The following GALNT13 variants were observed in gnomAD, a reference collection of about 807,000 sequenced individuals.
GALNT13 encodes UDP-GalNAc:polypeptide N-acetylgalactosaminyltransferase 13.
GALNT13 carries 28 observed loss-of-function variants against 64.2 expected under a neutral mutation model. The ratio of observed to expected loss-of-function variants is 0.44; its 90% CI spans 0.32 to 0.60. The LOEUF (loss-of-function observed/expected upper bound fraction) is 0.60, where lower values mean the gene tolerates loss of function less well. Among genes scored for constraint, GALNT13 ranks in the 20% least tolerant of loss-of-function variants. The pLI, the probability that GALNT13 is intolerant of heterozygous loss-of-function variation, is 0.05. For synonymous variants in GALNT13, 214 were observed against 224.6 expected (o/e 0.95, Z 0.42); for missense variants, 577 against 669.8 (o/e 0.86, Z 1.53).
At chr2:153,883,920 T>C (rs1020518014) in intron 1 of GALNT13, among the ~76,000 whole-genome samples, 3 of 152,012 alleles carry the variant, frequency 2.0e-5, no homozygotes, top group African/African-American at 7.2e-5. Context: ...ACTTAAAATG[T>C]GGAAGATAAT....
At chr2:153,884,900 G>A (rs1300686084) in intron 1 of GALNT13, among the ~76,000 whole-genome samples, 3 of 145,820 alleles carry the variant, frequency 2.1e-5, no homozygotes, top group African/African-American at 5.1e-5. Context: ...TTAGCCGAGC[G>A]TCGTGGCACG....
At chr2:154,228,331 T>G (rs139114915) in intron 4 of GALNT13, among the ~76,000 whole-genome samples, 1 of 152,298 alleles carries the variant, frequency 6.6e-6, no homozygotes, top group East Asian at 1.9e-4. Flanking sequence ...CTCTTTAGGT[T>G]ACTGCTTTGG....
At chr2:153,642,177 T>C in the GALNT13 span, among the ~76,000 whole-genome samples, 1 of 151,982 alleles carries the variant, frequency 6.6e-6, no homozygotes, top group Non-Finnish European at 1.5e-5. Flanking sequence ...TAATATGTTC[T>C]TTACTATGTT....
chr2:153,261,444 T>G, the GALNT13 span, among the ~76,000 whole-genome samples: 126,438 of 152,118 alleles, frequency 0.83, 53,804 homozygotes, highest in African/African-American at 0.93. Flanking sequence ...TTGCAGACTT[T>G]TAGAGTACCA....
chr2:153,855,564 G>T, the GALNT13 span, among the ~76,000 whole-genome samples: 1 of 152,128 alleles, frequency 6.6e-6, no homozygotes, highest in Non-Finnish European at 1.5e-5. Context: ...CCATTAGGAT[G>T]GCTATAATCA....
At chr2:153,215,136 TA>T in the GALNT13 span, among the ~76,000 whole-genome samples, 1 of 152,096 alleles carries the variant, frequency 6.6e-6, no homozygotes, top group Non-Finnish European at 1.5e-5. Flanking sequence ...TTTAGATAAT[TA>T]ATTGATTCAT....
At chr2:153,164,574 T>C in the GALNT13 span, among the ~76,000 whole-genome samples, 108,093 of 152,064 alleles carry the variant, frequency 0.71, 38,592 homozygotes, top group East Asian at 0.84. Flanking sequence ...TATGCATACA[T>C]CTGTGACCCC....
At chr2:153,835,642 A>G in the GALNT13 span, among the ~76,000 whole-genome samples, 2 of 152,078 alleles carry the variant, frequency 1.3e-5, no homozygotes, top group Non-Finnish European at 2.9e-5. Flanking sequence ...ATATAGAAAT[A>G]CTTTGATAAA....
intron 4 of GALNT13, among the ~76,000 whole-genome samples, chr2:154,216,802 CTTTTTT>C (rs397872685): frequency 1.4e-5 from 1 of 71,310 alleles, no homozygotes; most frequent in East Asian, 5.3e-4. Flanking sequence ...TTCTCTCTCT[CTTTTTT>C]TTTTTTTTTT....
chr2:154,104,723 C>G (rs1295280583), intron 3 of GALNT13, among the ~76,000 whole-genome samples: 1 of 152,214 alleles, frequency 6.6e-6, no homozygotes, highest in Non-Finnish European at 1.5e-5. Flanking sequence ...TCTCCGGGAC[C>G]TACTAGTCCC....
intron 4 of GALNT13, among the ~76,000 whole-genome samples, chr2:154,231,282 A>G (rs1441810133): frequency 6.6e-6 from 1 of 152,082 alleles, no homozygotes; most frequent in Non-Finnish European, 1.5e-5. Flanking sequence ...AATTTCTTTC[A>G]TAAGTGGGTT....
the GALNT13 span, among the ~76,000 whole-genome samples, chr2:153,327,548 T>C: frequency 6.6e-6 from 1 of 152,002 alleles, no homozygotes; most frequent in Admixed American, 6.6e-5. Context: ...AAGTTGATCT[T>C]CAGTCTCTGA....
the GALNT13 span, among the ~76,000 whole-genome samples, chr2:153,792,828 G>T: frequency 1.3e-5 from 2 of 152,176 alleles, no homozygotes; most frequent in South Asian, 4.1e-4. Context: ...TTGTCAAATT[G>T]TTCTGCAAAA....
At chr2:154,102,417 G>A (rs11885023) in intron 3 of GALNT13, among the ~76,000 whole-genome samples, 35,839 of 152,018 alleles carry the variant, frequency 0.24, 6,778 homozygotes, top group East Asian at 0.74. Context: ...GTCTGACTAC[G>A]TGACAACTTT....
chr2:153,367,450 A>G, the GALNT13 span, among the ~76,000 whole-genome samples: 1 of 152,130 alleles, frequency 6.6e-6, no homozygotes, highest in African/African-American at 2.4e-5. Flanking sequence ...TACCTTATAC[A>G]AGAATGGGAA....
At chr2:153,664,930 A>G in the GALNT13 span, among the ~76,000 whole-genome samples, 1 of 152,186 alleles carries the variant, frequency 6.6e-6, no homozygotes, top group Non-Finnish European at 1.5e-5. Context: ...AACAAAATGA[A>G]ATAGTTATTA....
chr2:153,288,777 A>G, the GALNT13 span, among the ~76,000 whole-genome samples: 1 of 152,308 alleles, frequency 6.6e-6, no homozygotes, highest in South Asian at 2.1e-4. Context: ...TATAGAAAAA[A>G]ACTTAGTAAA....
chr2:153,535,901 A>G, the GALNT13 span, among the ~76,000 whole-genome samples: 46 of 152,282 alleles, frequency 3.0e-4, no homozygotes, highest in East Asian at 8.9e-3. Context: ...TAAGTCTCAC[A>G]GAAGGGAAGA....
the GALNT13 span, among the ~76,000 whole-genome samples, chr2:153,813,420 T>C: frequency 6.6e-6 from 1 of 152,212 alleles, no homozygotes; most frequent in Non-Finnish European, 1.5e-5. Flanking sequence ...CTAAGTCTTG[T>C]AGCCATGCAG....
Sources: allele counts gnomAD v4.1 joint callset (sites outside exome capture counted in the v4.1 genomes callset), GRCh38; gene constraint gnomAD v4.1.1; transcripts MANE v1.5; gene names NCBI Gene and HGNC (gene_info 2026-07-23, HGNC 2026-07-21).